STK31: variants seen among roughly 807,000 people sequenced by gnomAD.
The protein encoded by STK31 is serine/threonine-protein kinase 31.
Under a neutral mutation model 129.7 loss-of-function variants are expected in STK31, and 89 were observed. The ratio of observed to expected loss-of-function variants is 0.69; its 90% CI spans 0.58 to 0.82. The LOEUF (loss-of-function observed/expected upper bound fraction) is 0.82. STK31 is among the 40% of genes least tolerant of loss of function. STK31 has a pLI of 0.00. For missense variants in STK31, 1,187 were observed against 1,176.4 expected (o/e 1.01, Z -0.13); for synonymous variants, 448 against 395.3 (o/e 1.13, Z -1.58).
At chr7:23,805,217 A>G (rs1007208360) in intron 22 of STK31, among the ~76,000 whole-genome samples, 1 of 151,992 alleles carries the variant, frequency 6.6e-6, no homozygotes, top group African/African-American at 2.4e-5. Context: ...CTGGGATTAC[A>G]GGCGCACGCT....
At chr7:23,731,780 T>G (rs1562555876) in intron 6 of STK31, among the ~76,000 whole-genome samples, 1 of 152,212 alleles carries the variant, frequency 6.6e-6, no homozygotes, top group African/African-American at 2.4e-5. Context: ...GGTAAGGGAA[T>G]GAGAGCTAGA....
chr7:23,769,211 A>G, intron 12 of STK31, 37 bp downstream of exon 12: 1 of 1,486,692 alleles, frequency 6.7e-7, no homozygotes, highest in Non-Finnish European at 8.9e-7. Context: ...TTTGTAGCAT[A>G]AACCAGGGAA....
At chr7:23,765,558 C>CTTTTTTTTTTTTTTTTTTTT (rs10677070) in intron 11 of STK31, among the ~76,000 whole-genome samples, 1 of 129,604 alleles carries the variant, frequency 7.7e-6, no homozygotes, top group Non-Finnish European at 1.6e-5. Context: ...ACCTCTTATA[C>CTTTTTTTTTTTTTTTTTTTT]TTTTTTTTTT....
At position 23,786,599 on chromosome 7, in the gene STK31, G is replaced by C. The variant is rs1250022164; in HGVS notation, c.2366G>C (p.Gly789Ala). 6.2e-7 allele frequency: 1 copy of C among 1,613,592 alleles called. No homozygotes were observed. Among genetic ancestry groups the C allele is most frequent in the Non-Finnish European group, 8.5e-7 (1 of 1,179,780 alleles). ...RAWREAEGDSGLLPLIFLFLC... is the reference protein window; with the variant it reads ...RAWREAEGDSALLPLIFLFLC... ...TGGAGAGAAGCTGAAGGAGACTCAG[G>C]GTTACTGCCATTGATATTCCTGTTT... is the stretch of plus-strand genomic sequence containing the variant. The change falls in exon 19 of 24, where the codon GGG (glycine) becomes GCG (alanine). Residue 789 changes from glycine (G) to alanine (A), a missense_variant. Gly to Ala is a moderately conservative substitution (Grantham distance 60). Transcript: ENST00000355870.
In STK31 at chr7:23,735,744, A is replaced by C; in HGVS notation, c.690A>C (p.Gln230His). Reference sequence around the variant, plus strand: ...AGGAAAAAAAATTGGATCCTGGTCAACTTGTTCTCAGGAACCTCAAAAGCC... The same window carrying C: ...AGGAAAAAAAATTGGATCCTGGTCACCTTGTTCTCAGGAACCTCAAAAGCC... ...ICEEKKLDPG[Q>H]LVLRNLKSPI... The change falls in exon 7 of 24, where the codon CAA becomes CAC. Residue 230 changes from glutamine (Q) to histidine (H), a missense_variant. Around this residue, in one of 5 missense-constraint regions of STK31, gnomAD observed 975 missense variants for 934.9 expected, o/e 1.04. Coordinates refer to ENST00000355870, the MANE Select transcript of STK31 (RefSeq NM_031414.5). The C allele has an allele frequency of 3.7e-6, 6 of 1,614,152 alleles. No homozygotes were observed. The highest frequency in any genetic ancestry group is 5.1e-6 in the Non-Finnish European group (6 of 1,180,032).
At position 23,737,061 on chromosome 7, in the gene STK31, A is replaced by G; in HGVS notation, c.1000A>G (p.Ile334Val). The change falls in exon 8 of 24, where the codon ATT (isoleucine) becomes GTT (valine). Residue 334 changes from isoleucine to valine, a missense_variant. Ile to Val is a conservative substitution (Grantham distance 29, BLOSUM62 3). Around this residue, in one of 5 missense-constraint regions of STK31, gnomAD observed 975 missense variants for 934.9 expected, o/e 1.04. Coordinates refer to ENST00000355870, the MANE Select transcript of STK31 (RefSeq NM_031414.5). ...GGCGTTAGAATTGAAAGTAGAGCAG[A>G]TTGCCCAGGAGCTGCAGGTATGTTC... is the stretch of plus-strand genomic sequence containing the variant. ...YKALELKVEQ[I>V]AQELQQEKAA... 6.2e-7 allele frequency: 1 copy of G among 1,607,358 alleles called. No homozygotes were observed. The highest frequency in any genetic ancestry group is 2.2e-5 in the East Asian group (1 of 44,824).
chr7:23,810,942 C>T (rs62467268), intron 22 of STK31, among the ~76,000 whole-genome samples: 37,932 of 101,234 alleles, frequency 0.37, 5,551 homozygotes, highest in Admixed American at 0.49. Flanking sequence ...TGTGTATATA[C>T]ACACACACAC....
rs191175025 is a variant in STK31, at chr7:23,730,541, A to C, written c.483+1292A>C. ...TGTTTTGGATTTCTTGCATGCATAA[A>C]ACTCTAAAATCTTGTTTACGGACCT... On this transcript the variant is annotated intron_variant, in intron 6 of 23. Transcript: ENST00000355870. Among the ~76,000 whole-genome samples, 187 of 152,180 alleles carry C rather than the reference A, an allele frequency of 1.2e-3. 2 individuals carry two copies. Among genetic ancestry groups the C allele is most frequent in the African/African-American group, 4.5e-3 (186 of 41,532 alleles).
At chr7:23,810,298 G>A (rs900976592) in intron 22 of STK31, among the ~76,000 whole-genome samples, 4 of 151,758 alleles carry the variant, frequency 2.6e-5, no homozygotes, top group Admixed American at 1.3e-4. Context: ...TGAATTTGGA[G>A]TAAGTTTCTT....
At chr7:23,755,097 C>T (rs546396235) in intron 10 of STK31, 1 of 152,300 alleles carries the variant, frequency 6.6e-6, no homozygotes, top group Admixed American at 6.5e-5. Context: ...AATGGTTGAA[C>T]TAATTTACGT....
At chr7:23,800,928 T>C (rs577785190) in intron 22 of STK31, among the ~76,000 whole-genome samples, 102 of 152,324 alleles carry the variant, frequency 6.7e-4, no homozygotes, top group Non-Finnish European at 1.0e-3. Context: ...CTCTGTTGTA[T>C]GTACATACCA....
Position 23,717,576 on chromosome 7 carries a change from C to T in STK31, c.246C>T (p.Asn82=). The change falls in exon 4 of 24, where the codon AAC becomes AAT. Residue 82 remains asparagine, a synonymous_variant. Transcript: ENST00000355870. ...ASSVLGNLDP[N]KIYGGLFSED... ...CAGTTTTGGGGAATCTTGACCCAAA[C>T]AAGGTGAGCCATATTCTTGAATATA... 6.2e-7 allele frequency: 1 copy of T among 1,606,412 alleles called. No homozygotes were observed. Among genetic ancestry groups the T allele is most frequent in the Non-Finnish European group, 8.5e-7 (1 of 1,174,208 alleles).
At chr7:23,723,727 G>GAATA (rs1786872485) in intron 4 of STK31, among the ~76,000 whole-genome samples, 2 of 152,136 alleles carry the variant, frequency 1.3e-5, no homozygotes, top group Non-Finnish European at 2.9e-5. Context: ...CAATGAGAGT[G>GAATA]AATATATAGT....
At chr7:23,712,649 G>A (rs1273234380) in intron 3 of STK31, among the ~76,000 whole-genome samples, 1 of 152,108 alleles carries the variant, frequency 6.6e-6, no homozygotes, top group Non-Finnish European at 1.5e-5. Flanking sequence ...CTTGAAGGAG[G>A]ATAAGTTAAA....
At position 23,710,275 on chromosome 7, in the gene STK31, GA is replaced by G; in HGVS notation, c.-8del. Reference sequence around the variant, plus strand: ...CGTGTGCTACGGCGGGCGGAGGGCCGAAAGTCCAGTATGTGGGTCCAGGGTC... The same window carrying G: ...CGTGTGCTACGGCGGGCGGAGGGCCGAAGTCCAGTATGTGGGTCCAGGGTC... On this transcript the variant is annotated 5_prime_UTR_variant, in exon 1 of 24. Coordinates refer to ENST00000355870, the MANE Select transcript of STK31 (RefSeq NM_031414.5). 6.2e-7 allele frequency: 1 copy of G among 1,611,432 alleles called. No individual in the cohort carries two copies. Among genetic ancestry groups the G allele is most frequent in the Non-Finnish European group, 8.5e-7 (1 of 1,179,722 alleles).
At chr7:23,815,506 C>T (rs1372033055) in intron 23 of STK31, among the ~76,000 whole-genome samples, 1 of 152,014 alleles carries the variant, frequency 6.6e-6, no homozygotes, top group African/African-American at 2.4e-5. Context: ...TTTATTATAA[C>T]TTAGTTTTTT....
intron 22 of STK31, among the ~76,000 whole-genome samples, chr7:23,796,977 A>G (rs1019579305): frequency 3.9e-5 from 6 of 152,220 alleles, no homozygotes; most frequent in African/African-American, 1.4e-4. Flanking sequence ...GTCTCTGATA[A>G]AACAGAATTT....
At chr7:23,757,654 G>A (rs199972464) in intron 10 of STK31, among the ~76,000 whole-genome samples, 2 of 151,942 alleles carry the variant, frequency 1.3e-5, no homozygotes, top group Admixed American at 6.6e-5. Context: ...GTTTTACACC[G>A]AGACATTCCA....
chr7:23,710,757 C>T, intron 1 of STK31: 1 of 1,038,090 alleles, frequency 9.6e-7, no homozygotes, highest in South Asian at 3.7e-5. Flanking sequence ...GGCATCAGTG[C>T]CTTCATAATC....
Sources: allele counts gnomAD v4.1 joint callset (sites outside exome capture counted in the v4.1 genomes callset), GRCh38; gene constraint gnomAD v4.1.1; regional missense constraint gnomAD v4.1.1; transcripts MANE v1.5; gene names NCBI Gene and HGNC (gene_info 2026-07-23, HGNC 2026-07-21).